Variants in PCDHGA8 observed in about 807,000 individuals in gnomAD.
The protein encoded by PCDHGA8 is protocadherin gamma-A8.
A neutral mutation model predicts 59.2 loss-of-function variants in PCDHGA8; 45 were observed. The observed-to-expected ratio is 0.76, with a 90% confidence interval of 0.60 to 0.98. The LOEUF (loss-of-function observed/expected upper bound fraction) is 0.98, where lower values mean the gene tolerates loss of function less well. Among genes scored for constraint, PCDHGA8 ranks in the 50% least tolerant of loss-of-function variants. The pLI is 0.00. For synonymous variants in PCDHGA8, 531 were observed against 519.0 expected (o/e 1.02, Z -0.32); for missense variants, 1,257 against 1,196.2 (o/e 1.05, Z -0.75).
rs147564249 is a variant in PCDHGA8, at chr5:141,432,378, C to T, written c.2424+37141C>T. 1 of 1,614,234 alleles carries T rather than the reference C, an allele frequency of 6.2e-7. No homozygotes were observed. Among genetic ancestry groups the T allele is most frequent in the Non-Finnish European group, 8.5e-7 (1 of 1,180,044 alleles). ...GTGATGGCGCGGGACAACGGGCACCCGCCCCTCAGCAGCAACGTGTCGTTG... is the reference window on the plus strand; with the variant it reads ...GTGATGGCGCGGGACAACGGGCACCTGCCCCTCAGCAGCAACGTGTCGTTG... On this transcript the variant is annotated intron_variant, in intron 1 of 3. Coordinates refer to ENST00000398604, the MANE Select transcript of PCDHGA8 (RefSeq NM_032088.2). This position sits in a 1 kb window ranked among gnomAD's most constrained non-coding sequence, Gnocchi z 6.0.
chr5:141,447,168 T>C (rs1027377060), intron 1 of PCDHGA8, among the ~76,000 whole-genome samples: 2 of 152,174 alleles, frequency 1.3e-5, no homozygotes, highest in Non-Finnish European at 2.9e-5. Context: ...AAGCGGGGTC[T>C]TGCTCTTGTC....
chr5:141,484,002 A>T, intron 1 of PCDHGA8, among the ~76,000 whole-genome samples: 1 of 25,484 alleles, frequency 3.9e-5, no homozygotes, highest in African/African-American at 1.7e-4. Context: ...GGAGGTCTGG[A>T]TGAGGGTGGG....
intron 1 of PCDHGA8, chr5:141,408,965 C>A: frequency 3.1e-6 from 5 of 1,613,806 alleles, no homozygotes; most frequent in Non-Finnish European, 4.2e-6. Flanking sequence ...TAGTGAAAAT[C>A]TGCCCCCTGG....
intron 1 of PCDHGA8, chr5:141,404,496 A>G (rs773471878): frequency 2.7e-5 from 43 of 1,613,778 alleles, no homozygotes; most frequent in East Asian, 2.2e-5. Context: ...GGTGTGCTGT[A>G]TGCTCTGTGC....
At chr5:141,470,242 T>C (rs1301513342) in intron 1 of PCDHGA8, among the ~76,000 whole-genome samples, 1 of 152,344 alleles carries the variant, frequency 6.6e-6, no homozygotes, top group South Asian at 2.1e-4. Flanking sequence ...CCCTTGAATG[T>C]CCCACCTGTC....
At chr5:141,500,278 G>A (rs1338703900) in intron 2 of PCDHGA8, among the ~76,000 whole-genome samples, 2 of 150,508 alleles carry the variant, frequency 1.3e-5, no homozygotes, top group East Asian at 2.0e-4. Context: ...GCGCAATCTC[G>A]GCTCACTGCA....
At chr5:141,399,189 A>G (rs1015744299) in intron 1 of PCDHGA8, 11 of 1,613,970 alleles carry the variant, frequency 6.8e-6, no homozygotes, top group African/African-American at 1.3e-5. Context: ...TGATTCTGGA[A>G]AACGCGGTGC....
chr5:141,487,109 G>A lies in PCDHGA8; in HGVS notation c.2425-7698G>A. 2 of 1,614,122 alleles carry A rather than the reference G, an allele frequency of 1.2e-6. No homozygotes were observed. Among genetic ancestry groups the A allele is most frequent in the Non-Finnish European group, 1.7e-6 (2 of 1,180,004 alleles). ...CCTCCCACCACAGAAGCTGGTCATTGTGGTAAAGGATAGTGGTAGTCCACC... is the reference window on the plus strand; with the variant it reads ...CCTCCCACCACAGAAGCTGGTCATTATGGTAAAGGATAGTGGTAGTCCACC... On this transcript the variant is annotated intron_variant, in intron 1 of 3. Transcript: ENST00000398604. This position sits in a 1 kb window ranked among gnomAD's most constrained non-coding sequence, Gnocchi z 5.0.
In PCDHGA8 at chr5:141,476,962, C is replaced by A. The variant is rs2099402286; in HGVS notation, c.2425-17845C>A. On this transcript the variant is annotated intron_variant, in intron 1 of 3. Coordinates refer to ENST00000398604, the MANE Select transcript of PCDHGA8 (RefSeq NM_032088.2). This position sits in a 1 kb window ranked among gnomAD's most constrained non-coding sequence, Gnocchi z 7.6. ...GCCCCAACGGTGAAATTATTTACTCCTTCGGCAGCCACAACCGCGCCGGCG... is the reference window on the plus strand; with the variant it reads ...GCCCCAACGGTGAAATTATTTACTCATTCGGCAGCCACAACCGCGCCGGCG... 2 of 1,614,200 alleles carry A rather than the reference C, an allele frequency of 1.2e-6. No individual in the cohort carries two copies. The highest frequency in any genetic ancestry group is 1.7e-6 in the Non-Finnish European group (2 of 1,180,042).
intron 1 of PCDHGA8, among the ~76,000 whole-genome samples, chr5:141,456,866 G>A (rs2098893781): frequency 6.6e-6 from 1 of 152,170 alleles, no homozygotes; most frequent in African/African-American, 2.4e-5. Flanking sequence ...GGGAGGCTGA[G>A]GCAGGAGAAT....
chr5:141,478,623 GT>G (rs1337268572), intron 1 of PCDHGA8: 14 of 1,554,358 alleles, frequency 9.0e-6, no homozygotes, highest in African/African-American at 1.4e-5. Context: ...GAATGGAGCT[GT>G]TTTTTTAGTG....
At chr5:141,469,233 C>T (rs2099194657) in intron 1 of PCDHGA8, among the ~76,000 whole-genome samples, 1 of 149,878 alleles carries the variant, frequency 6.7e-6, no homozygotes, top group African/African-American at 2.5e-5. Context: ...GCCATGATCA[C>T]CCCACTGCAC....
Position 141,394,607 on chromosome 5 carries a change from G to C in PCDHGA8, c.1794G>C (p.Ser598=), listed in dbSNP as rs769750411. The C allele has an allele frequency of 6.2e-6, 10 of 1,613,414 alleles. No individual in the cohort carries two copies. The highest frequency in any genetic ancestry group is 2.2e-5 in the South Asian group (2 of 91,066). ...VTKVVAVDRD[S]GQNAWLSYRL... is the part of the protein sequence containing the mutation. Reference sequence around the variant, plus strand: ...AGGTGGTGGCGGTGGACAGAGACTCGGGCCAGAACGCCTGGCTGTCCTACC... The same window carrying C: ...AGGTGGTGGCGGTGGACAGAGACTCCGGCCAGAACGCCTGGCTGTCCTACC... The change falls in exon 1 of 4, where the codon TCG becomes TCC. Residue 598 remains serine (S), a synonymous_variant. Transcript: ENST00000398604.
chr5:141,394,864 C>G lies in PCDHGA8; in HGVS notation c.2051C>G (p.Pro684Arg). Reference protein sequence around the residue: ...ELGSLKPSVDPNDSSLTLYLV... With the variant: ...ELGSLKPSVDRNDSSLTLYLV... Reference sequence around the variant, plus strand: ...GGCAGTCTGAAGCCTTCGGTCGACCCGAACGATTCGAGCCTTACACTCTAT... The same window carrying G: ...GGCAGTCTGAAGCCTTCGGTCGACCGGAACGATTCGAGCCTTACACTCTAT... Residue 684 changes from proline (P) to arginine (R), a missense_variant, in exon 1 of 4, where the codon CCG becomes CGG. Pro to Arg is a moderately radical substitution (Grantham distance 103). Coordinates refer to ENST00000398604, the MANE Select transcript of PCDHGA8 (RefSeq NM_032088.2). The G allele has an allele frequency of 1.2e-6, 2 of 1,613,780 alleles. No individual in the cohort carries two copies. The highest frequency in any genetic ancestry group is 1.7e-6 in the Non-Finnish European group (2 of 1,179,900).
chr5:141,437,881 G>A (rs1317504695), intron 1 of PCDHGA8, among the ~76,000 whole-genome samples: 4 of 152,026 alleles, frequency 2.6e-5, no homozygotes, highest in Admixed American at 2.6e-4. Flanking sequence ...GGGACTACAG[G>A]CACACGCCAC....
intron 1 of PCDHGA8, among the ~76,000 whole-genome samples, chr5:141,429,774 G>A (rs1175985162): frequency 6.6e-6 from 1 of 152,070 alleles, no homozygotes; most frequent in Non-Finnish European, 1.5e-5. Context: ...ATTTTGATGG[G>A]CTTCCAAAAG....
chr5:141,400,543 T>C (rs2094038969), intron 1 of PCDHGA8: 1 of 1,613,794 alleles, frequency 6.2e-7, no homozygotes. Flanking sequence ...CATTTATGTC[T>C]ATTCTTTTTC....
At chr5:141,413,318 T>C in intron 1 of PCDHGA8, 1 of 1,613,968 alleles carries the variant, frequency 6.2e-7, no homozygotes, top group Non-Finnish European at 8.5e-7. Flanking sequence ...AAAGGCTCTT[T>C]CGTGGGCAAC....
intron 1 of PCDHGA8, chr5:141,407,951 A>C: frequency 1.7e-6 from 1 of 578,566 alleles, no homozygotes; most frequent in Non-Finnish European, 2.8e-6. Context: ...GCTGTCGGCC[A>C]GTGCAGAGCA....
Sources: allele counts gnomAD v4.1 joint callset (sites outside exome capture counted in the v4.1 genomes callset), GRCh38; gene constraint gnomAD v4.1.1; non-coding constraint Gnocchi (gnomAD v3.1); transcripts MANE v1.5; gene names NCBI Gene and HGNC (gene_info 2026-07-23, HGNC 2026-07-21).